Variants in CCDC141 observed in about 807,000 individuals in gnomAD.
CCDC141 encodes coiled-coil domain containing 141, also known as coiled-coil domain-containing protein 141.
In CCDC141, 168 loss-of-function variants were observed where a neutral mutation model predicts 181.0. The ratio of observed to expected loss-of-function variants is 0.93; its 90% CI spans 0.82 to 1.05. CCDC141 has a LOEUF of 1.05. Among genes scored for constraint, CCDC141 ranks in the 50% least tolerant of loss-of-function variants. The probability of loss-of-function intolerance (pLI) is 0.00; values close to 1 mark genes in which losing one functional copy is unlikely to be tolerated. For synonymous variants in CCDC141, 666 were observed against 642.3 expected (o/e 1.04, Z -0.56); for missense variants, 1,902 against 1,788.5 (o/e 1.06, Z -1.14).
At position 178,878,075 on chromosome 2, in the gene CCDC141, A is replaced by G. The variant is rs754874495; in HGVS notation, c.1788T>C (p.Asp596=). 1 of 1,613,678 alleles carries G rather than the reference A, an allele frequency of 6.2e-7. No homozygotes were observed. The highest frequency in any genetic ancestry group is 8.5e-7 in the Non-Finnish European group (1 of 1,179,872). The part of the protein sequence containing the change: ...ETEIPQKEQD[D]AKAKHCSDSA... ...AGTCAGAACAATGCTTGGCTTTAGCATCATCCTGCTCCTTCTGAGGGATTT... is the reference window on the plus strand; with the variant it reads ...AGTCAGAACAATGCTTGGCTTTAGCGTCATCCTGCTCCTTCTGAGGGATTT... The change falls in exon 12 of 24, where the codon GAT becomes GAC. Residue 596 remains aspartate, a synonymous_variant. Transcript: ENST00000443758.
chr2:178,882,707 TG>T (rs1248551266), intron 11 of CCDC141, among the ~76,000 whole-genome samples: 2 of 152,128 alleles, frequency 1.3e-5, no homozygotes, highest in East Asian at 3.9e-4. Flanking sequence ...GAGACCTAGC[TG>T]AAGCAGAGGC....
chr2:179,046,834 T>C (rs1288461389), intron 2 of CCDC141, among the ~76,000 whole-genome samples: 2 of 152,254 alleles, frequency 1.3e-5, no homozygotes, highest in East Asian at 3.8e-4. Flanking sequence ...AAGTATTATT[T>C]GGTTTCAAGA....
intron 2 of CCDC141, chr2:179,001,719 T>C (rs1011333134): frequency 6.6e-6 from 1 of 152,188 alleles, no homozygotes; most frequent in African/African-American, 2.4e-5. Flanking sequence ...GACCACTTTT[T>C]TGTGGCACCT....
Position 178,850,076 on chromosome 2 carries a change from G to T in CCDC141, c.3330C>A (p.Ser1110=). Residue 1110 remains serine (S), a synonymous_variant, in exon 21 of 24, where the codon TCC becomes TCA. Transcript: ENST00000443758. ...TCAGTTTTTCTTCGAGCTCTGTGAG[G>T]GACTCACATAATTCAGTCACAGATT... is the stretch of plus-strand genomic sequence containing the variant. ...VLESVTELCE[S]LTELEEKLKQ... is the part of the protein sequence containing the mutation. The T allele has an allele frequency of 6.2e-7, 1 of 1,600,186 alleles. No individual in the cohort carries two copies. Among genetic ancestry groups the T allele is most frequent in the Non-Finnish European group, 8.5e-7 (1 of 1,169,804 alleles).
intron 8 of CCDC141, among the ~76,000 whole-genome samples, chr2:178,891,158 A>G (rs2154371194): frequency 6.6e-6 from 1 of 152,298 alleles, no homozygotes; most frequent in Non-Finnish European, 1.5e-5. Flanking sequence ...AATTTAAGGA[A>G]AAACAGATTA....
At chr2:179,010,791 A>G (rs1484410161) in intron 2 of CCDC141, among the ~76,000 whole-genome samples, 2 of 152,196 alleles carry the variant, frequency 1.3e-5, no homozygotes, top group Non-Finnish European at 2.9e-5. Flanking sequence ...GGCAACAAAG[A>G]GCACAATGAA....
At chr2:178,834,716 G>A (rs1348572951) in intron 23 of CCDC141, among the ~76,000 whole-genome samples, 2 of 151,640 alleles carry the variant, frequency 1.3e-5, no homozygotes, top group Non-Finnish European at 2.9e-5. Flanking sequence ...GACTACAGGC[G>A]CTTACCACCA....
At chr2:178,872,059 G>C in intron 13 of CCDC141, 74 bp downstream of exon 13, 1 of 1,438,602 alleles carries the variant, frequency 7.0e-7, no homozygotes. Flanking sequence ...CTTAGCTAGT[G>C]TTTTCAAGGT....
At chr2:179,006,429 A>G (rs1012713490) in intron 2 of CCDC141, among the ~76,000 whole-genome samples, 1 of 152,182 alleles carries the variant, frequency 6.6e-6, no homozygotes, top group African/African-American at 2.4e-5. Context: ...GAGTGGTTCA[A>G]TGATCACTCT....
intron 8 of CCDC141, among the ~76,000 whole-genome samples, chr2:178,902,451 G>A (rs549760150): frequency 4.9e-4 from 75 of 152,052 alleles, no homozygotes; most frequent in African/African-American, 1.7e-3. Context: ...AAATAACACC[G>A]CATATCTACA....
At chr2:178,863,134 T>C (rs944132248) in intron 17 of CCDC141, among the ~76,000 whole-genome samples, 3 of 152,208 alleles carry the variant, frequency 2.0e-5, no homozygotes, top group Admixed American at 6.5e-5. Flanking sequence ...GCCCAACAAA[T>C]GAGTCTGTGG....
At chr2:178,855,313 T>C (rs781268948) in intron 19 of CCDC141, 34 bp downstream of exon 19, 1 of 1,563,058 alleles carries the variant, frequency 6.4e-7, no homozygotes, top group East Asian at 2.3e-5. Flanking sequence ...GAAAACAACA[T>C]TACAACATGG....
chr2:178,996,367 C>CTG (rs1239157321), intron 2 of CCDC141, among the ~76,000 whole-genome samples: 1 of 152,032 alleles, frequency 6.6e-6, no homozygotes, highest in Non-Finnish European at 1.5e-5. Flanking sequence ...TGTGAGCCAC[C>CTG]GCACCTGGCC....
intron 2 of CCDC141, among the ~76,000 whole-genome samples, chr2:179,009,850 C>T (rs191377389): frequency 5.3e-5 from 8 of 152,134 alleles, no homozygotes; most frequent in Non-Finnish European, 1.0e-4. Context: ...TTAAGCTAAT[C>T]AGGGAGGGAT....
At chr2:178,938,848 G>GT (rs1189797794) in intron 6 of CCDC141, among the ~76,000 whole-genome samples, 2 of 152,074 alleles carry the variant, frequency 1.3e-5, no homozygotes, top group African/African-American at 4.8e-5. Flanking sequence ...GTTTAAACCT[G>GT]TTTTTCTCCA....
intron 2 of CCDC141, among the ~76,000 whole-genome samples, chr2:179,008,427 C>T (rs2042172484): frequency 6.6e-6 from 1 of 152,160 alleles, no homozygotes; most frequent in Admixed American, 6.5e-5. Flanking sequence ...CACTGAGCAG[C>T]TGAGCCCTTT....
At chr2:178,989,176 T>C (rs1204888405) in intron 2 of CCDC141, among the ~76,000 whole-genome samples, 1 of 152,014 alleles carries the variant, frequency 6.6e-6, no homozygotes, top group African/African-American at 2.4e-5. Context: ...ATTAAGACTT[T>C]TGTGTACAAA....
intron 9 of CCDC141, 122 bp downstream of exon 9, chr2:178,888,405 T>G: frequency 1.2e-6 from 1 of 811,192 alleles, no homozygotes; most frequent in Non-Finnish European, 2.0e-6. Context: ...AAGGACCCAA[T>G]GTGGTACATA....
Position 178,832,475 on chromosome 2 carries a change from A to AAC in CCDC141, c.*1697_*1698insGT, listed in dbSNP as rs1684290324. ...AGCAAGACTCTTTCTCAAAAAAAAA[A>AAC]AAAAAAAACAAAAAAAACAAAAAAA... On this transcript the variant is annotated 3_prime_UTR_variant, in exon 24 of 24. Transcript: ENST00000443758. 7.2e-6 allele frequency: 1 copy of AAC among 138,616 alleles called. No homozygotes were observed. The highest frequency in any genetic ancestry group is 2.6e-5 in the African/African-American group (1 of 38,002). The allele number at this position is 138,616 out of a possible 1,614,324, so 8.6% of individuals were successfully genotyped here. A position where few individuals can be genotyped will look rare whatever the true frequency, so the allele number is the denominator to read the frequency against.
Sources: gnomAD v4.1 joint callset for allele counts (sites outside exome capture counted in the v4.1 genomes callset) on GRCh38, gnomAD v4.1.1 for gene constraint, MANE v1.5 for transcripts, NCBI Gene and HGNC (gene_info 2026-07-23, HGNC 2026-07-21) for gene names.